The following LRRC37A2 variants were observed in gnomAD, a reference collection of about 807,000 sequenced individuals.
The protein encoded by LRRC37A2 is leucine rich repeat containing 37 member A2.
Under a neutral mutation model 68.8 loss-of-function variants are expected in LRRC37A2, and 9 were observed. That is an observed-to-expected ratio of 0.13 (90% CI 0.08 to 0.23). The LOEUF (loss-of-function observed/expected upper bound fraction) is 0.23. Ranked by LOEUF, LRRC37A2 falls within the 10% of genes least tolerant of loss-of-function variation. The probability of loss-of-function intolerance (pLI) is 1.00; values close to 1 mark genes in which losing one functional copy is unlikely to be tolerated. For synonymous variants in LRRC37A2, 63 were observed against 367.6 expected (o/e 0.17, Z 9.48); for missense variants, 168 against 950.4 (o/e 0.18, Z 10.82).
At chr17:46,833,724 G>A in the LRRC37A2 span, among the ~76,000 whole-genome samples, 21 of 152,208 alleles carry the variant, frequency 1.4e-4, no homozygotes, top group African/African-American at 4.8e-4. Flanking sequence ...TCCCACGTGA[G>A]TGAGCGTCCT....
chr17:46,898,703 C>A, the LRRC37A2 span, among the ~76,000 whole-genome samples: 1 of 152,180 alleles, frequency 6.6e-6, no homozygotes, highest in Non-Finnish European at 1.5e-5. Flanking sequence ...CCTAATGTAG[C>A]CAGATTCAAC....
the LRRC37A2 span, among the ~76,000 whole-genome samples, chr17:46,850,177 A>T: frequency 3.0e-4 from 45 of 152,156 alleles, 1 homozygote; most frequent in Non-Finnish European, 4.7e-4. Flanking sequence ...CTGCACAAAA[A>T]TCCTGTTAGA....
intron 11 of LRRC37A2, among the ~76,000 whole-genome samples, chr17:46,551,838 GATTA>G (rs1392164112): frequency 9.1e-5 from 11 of 121,238 alleles, no homozygotes; most frequent in Middle Eastern, 4.0e-3. Flanking sequence ...TAAATTTGTA[GATTA>G]ATTTGAGAAT....
chr17:46,771,782 C>A, the LRRC37A2 span, among the ~76,000 whole-genome samples: 1 of 143,726 alleles, frequency 7.0e-6, no homozygotes, highest in African/African-American at 2.5e-5. Context: ...CGCGCCGCGC[C>A]GCGCCGAATG....
the LRRC37A2 span, among the ~76,000 whole-genome samples, chr17:46,490,903 G>A: frequency 6.7e-6 from 1 of 148,946 alleles, no homozygotes; most frequent in Admixed American, 6.6e-5. Context: ...GAGCAAAAAA[G>A]TACATACTTT....
chr17:46,830,701 G>A, the LRRC37A2 span: 6 of 398,518 alleles, frequency 1.5e-5, no homozygotes, highest in Non-Finnish European at 2.2e-5. Context: ...GGAGCATTTT[G>A]ATGGCTAGTG....
At chr17:46,962,151 C>T in the LRRC37A2 span, among the ~76,000 whole-genome samples, 36 of 152,096 alleles carry the variant, frequency 2.4e-4, no homozygotes, top group African/African-American at 8.7e-4. Flanking sequence ...CATGGTGAAA[C>T]CCTGTCTCTA....
chr17:46,935,077 T>G, the LRRC37A2 span: 1 of 1,612,420 alleles, frequency 6.2e-7, no homozygotes, highest in Admixed American at 1.7e-5. Context: ...GTTTAACTCC[T>G]CCCTCCAGAA....
At chr17:46,491,244 T>C in the LRRC37A2 span, among the ~76,000 whole-genome samples, 669 of 151,148 alleles carry the variant, frequency 4.4e-3, 12 homozygotes, top group South Asian at 9.5e-3. Context: ...GTATAATTTA[T>C]TTGCTAAATA....
At chr17:47,031,072 T>G in the LRRC37A2 span, among the ~76,000 whole-genome samples, 400 of 151,334 alleles carry the variant, frequency 2.6e-3, 7 homozygotes, top group African/African-American at 9.2e-3. Flanking sequence ...CATCCCTGGG[T>G]TCCAATAGTT....
At chr17:47,044,825 A>G in the LRRC37A2 span, among the ~76,000 whole-genome samples, 36 of 143,916 alleles carry the variant, frequency 2.5e-4, no homozygotes, top group Middle Eastern at 7.1e-3. Flanking sequence ...CAGCCTGGAC[A>G]ACATGGTGAA....
chr17:46,558,307 G>A (rs1229348704), downstream of LRRC37A2, among the ~76,000 whole-genome samples: 3 of 109,396 alleles, frequency 2.7e-5, no homozygotes, highest in African/African-American at 4.0e-5. Flanking sequence ...TAATCCACCC[G>A]CCCTGGCCTC....
At chr17:47,004,866 C>G in the LRRC37A2 span, among the ~76,000 whole-genome samples, 1 of 152,190 alleles carries the variant, frequency 6.6e-6, no homozygotes, top group South Asian at 2.1e-4. Flanking sequence ...ATTTTAAAAC[C>G]TGCTACTGTA....
At chr17:46,940,869 C>A in the LRRC37A2 span, 8 of 1,415,228 alleles carry the variant, frequency 5.7e-6, no homozygotes, top group African/African-American at 1.2e-4. Flanking sequence ...ATTGAGACTG[C>A]ATGTTGTCAC....
the LRRC37A2 span, among the ~76,000 whole-genome samples, chr17:46,709,564 G>A: frequency 2.0e-3 from 302 of 151,460 alleles, 1 homozygote; most frequent in East Asian, 0.023. Context: ...GCGTGATCTC[G>A]GCTCACTGCA....
chr17:46,772,764 C>G, the LRRC37A2 span, among the ~76,000 whole-genome samples: 2 of 152,130 alleles, frequency 1.3e-5, no homozygotes, highest in African/African-American at 4.8e-5. Context: ...TGTCAGCTTC[C>G]CCCCCAACCC....
At chr17:46,544,877 T>C (rs1353142787) in intron 8 of LRRC37A2, among the ~76,000 whole-genome samples, 2 of 135,700 alleles carry the variant, frequency 1.5e-5, no homozygotes, top group Non-Finnish European at 3.1e-5. Flanking sequence ...CTGCATGTCA[T>C]GTCTTCATTT....
the LRRC37A2 span, among the ~76,000 whole-genome samples, chr17:46,994,996 A>C: frequency 3.3e-5 from 5 of 152,090 alleles, no homozygotes; most frequent in African/African-American, 1.2e-4. Flanking sequence ...GGTGGTGTGC[A>C]CCTGTAGTCC....
At chr17:46,767,529 C>T in the LRRC37A2 span, among the ~76,000 whole-genome samples, 1 of 152,070 alleles carries the variant, frequency 6.6e-6, no homozygotes, top group African/African-American at 2.4e-5. Context: ...TTAAACTGCC[C>T]CCTGCCCTTC....
Sources: gnomAD v4.1 joint callset for allele counts (sites outside exome capture counted in the v4.1 genomes callset) on GRCh38, gnomAD v4.1.1 for gene constraint, MANE v1.5 for transcripts, NCBI Gene and HGNC (gene_info 2026-07-23, HGNC 2026-07-21) for gene names.